Variants in COMMD1 observed in about 807,000 individuals in gnomAD.
COMMD1 encodes the protein COMM domain-containing protein 1.
A neutral mutation model predicts 17.2 loss-of-function variants in COMMD1; 10 were observed. That is an observed-to-expected ratio of 0.58 (90% CI 0.36 to 0.99). COMMD1 has a LOEUF of 0.99. Among genes scored for constraint, COMMD1 ranks in the 50% least tolerant of loss-of-function variants. COMMD1 has a pLI of 0.01. For missense variants in COMMD1, 270 were observed against 231.8 expected (o/e 1.17, Z -1.07); for synonymous variants, 97 against 91.6 (o/e 1.06, Z -0.34).
intron 2 of COMMD1, among the ~76,000 whole-genome samples, chr2:62,128,573 C>T (rs1672945900): frequency 6.6e-6 from 1 of 152,084 alleles, no homozygotes; most frequent in Admixed American, 6.6e-5. Context: ...GTTGTTCTTC[C>T]TCCTCCTTCT....
chr2:61,963,504 C>T lies in COMMD1; in HGVS notation c.181-37197C>T, dbSNP rs567488033. Among the ~76,000 whole-genome samples the T allele has an allele frequency of 7.9e-5, 12 of 152,150 alleles. No homozygotes were observed. The East Asian group carries it at 1.5e-3, about 20-fold the overall frequency. On this transcript the variant is annotated intron_variant, in intron 1 of 2. Transcript: ENST00000311832. The stretch of plus-strand genomic sequence containing the variant: ...CCTGAGTGGTGCACACCACCATGCT[C>T]GGCTAATTTTTGTATTTTTAGTAGA...
intron 2 of COMMD1, among the ~76,000 whole-genome samples, chr2:62,018,173 C>G (rs1456102260): frequency 6.6e-6 from 1 of 152,068 alleles, no homozygotes; most frequent in Non-Finnish European, 1.5e-5. Flanking sequence ...TCTTATTTTC[C>G]CTGCTTAGGT....
At chr2:62,038,031 G>A (rs1481228486) in intron 2 of COMMD1, among the ~76,000 whole-genome samples, 1 of 152,178 alleles carries the variant, frequency 6.6e-6, no homozygotes, top group Admixed American at 6.5e-5. Flanking sequence ...GCTCACTCCT[G>A]TAATCCCAGC....
intron 2 of COMMD1, among the ~76,000 whole-genome samples, chr2:62,104,589 G>A (rs1225269725): frequency 6.9e-6 from 1 of 144,520 alleles, no homozygotes; most frequent in African/African-American, 2.6e-5. Context: ...AGTCGAGATC[G>A]CGCCACTGTA....
chr2:61,990,760 G>A (rs551960187), intron 1 of COMMD1, among the ~76,000 whole-genome samples: 4 of 151,466 alleles, frequency 2.6e-5, no homozygotes, highest in Non-Finnish European at 2.9e-5. Context: ...GGAAAGACCC[G>A]CCCCCATGAA....
intron 1 of COMMD1, among the ~76,000 whole-genome samples, chr2:61,906,982 A>AT (rs1669790007): frequency 6.6e-6 from 1 of 152,248 alleles, no homozygotes; most frequent in Non-Finnish European, 1.5e-5. Context: ...GAAAACAAAT[A>AT]TTTCACACAG....
intron 1 of COMMD1, among the ~76,000 whole-genome samples, chr2:61,987,968 A>G (rs994222138): frequency 3.3e-5 from 5 of 152,162 alleles, no homozygotes; most frequent in Non-Finnish European, 7.4e-5. Flanking sequence ...AAAGGCCCAT[A>G]GGAAGTATTG....
chr2:62,041,948 ACTGT>A (rs1670220898), intron 2 of COMMD1, among the ~76,000 whole-genome samples: 1 of 152,220 alleles, frequency 6.6e-6, no homozygotes. Flanking sequence ...AAGCTTCCAC[ACTGT>A]GGAAGAGGAC....
At chr2:61,925,702 T>C (rs1468283024) in intron 1 of COMMD1, among the ~76,000 whole-genome samples, 2 of 152,192 alleles carry the variant, frequency 1.3e-5, no homozygotes, top group African/African-American at 2.4e-5. Flanking sequence ...TCCTTAACAG[T>C]AGGACTTGCC....
rs201726884 is a variant in COMMD1 at position 61,970,558 on chromosome 2, TA to T, written c.181-30135del. 8.0e-3 allele frequency among the ~76,000 whole-genome samples: 1,218 copies of T among 152,108 alleles called. 13 individuals carry two copies. The highest frequency in any genetic ancestry group is 0.028 in the African/African-American group (1,146 of 41,510). On this transcript the variant is annotated intron_variant, in intron 1 of 2. Coordinates refer to ENST00000311832, the MANE Select transcript of COMMD1 (RefSeq NM_152516.4). ...TACTGTATTGTTTAGGGAATAATGA[TA>T]AAAAAAAGTTTGGTACATGTTTATT...
chr2:61,915,203 G>A (rs759501202), intron 1 of COMMD1, among the ~76,000 whole-genome samples: 1 of 151,600 alleles, frequency 6.6e-6, no homozygotes, highest in Admixed American at 6.6e-5. Flanking sequence ...ATGGGGTTTC[G>A]TCATGTTGGT....
At chr2:61,988,179 C>G (rs1672154830) in intron 1 of COMMD1, among the ~76,000 whole-genome samples, 1 of 152,104 alleles carries the variant, frequency 6.6e-6, no homozygotes, top group Non-Finnish European at 1.5e-5. Context: ...GGTACCTAAG[C>G]TGGAAGATAA....
chr2:61,982,902 T>C (rs1462073812), intron 1 of COMMD1, among the ~76,000 whole-genome samples: 1 of 152,202 alleles, frequency 6.6e-6, no homozygotes, highest in Non-Finnish European at 1.5e-5. Flanking sequence ...TCTTAACATA[T>C]TATTGAATTC....
At chr2:61,968,369 CA>C (rs1180651224) in intron 1 of COMMD1, among the ~76,000 whole-genome samples, 1 of 152,080 alleles carries the variant, frequency 6.6e-6, no homozygotes, top group African/African-American at 2.4e-5. Flanking sequence ...GCTCATATAG[CA>C]AATTCTCTTT....
chr2:62,012,476 G>A (rs909222017), intron 2 of COMMD1, among the ~76,000 whole-genome samples: 7 of 151,810 alleles, frequency 4.6e-5, no homozygotes, highest in South Asian at 2.1e-4. Flanking sequence ...GCACCACCAC[G>A]CCCAGCTAAT....
chr2:62,101,220 G>A (rs1300941340), intron 2 of COMMD1, among the ~76,000 whole-genome samples: 1 of 152,022 alleles, frequency 6.6e-6, no homozygotes, highest in Non-Finnish European at 1.5e-5. Context: ...CTGATTCTCT[G>A]AATACCAACT....
intron 2 of COMMD1, among the ~76,000 whole-genome samples, chr2:62,009,286 A>G (rs1669212541): frequency 6.6e-6 from 1 of 152,166 alleles, no homozygotes; most frequent in African/African-American, 2.4e-5. Flanking sequence ...TATAGAAGGC[A>G]ATGCTTAAAG....
At chr2:62,080,943 G>A (rs950884011) in intron 2 of COMMD1, among the ~76,000 whole-genome samples, 13 of 151,464 alleles carry the variant, frequency 8.6e-5, no homozygotes, top group African/African-American at 3.2e-4. Flanking sequence ...CATATTCTGG[G>A]GAAGGTTCTG....
intron 1 of COMMD1, among the ~76,000 whole-genome samples, chr2:61,946,942 A>G (rs146954463): frequency 6.6e-6 from 1 of 152,256 alleles, no homozygotes; most frequent in African/African-American, 2.4e-5. Context: ...TGCTTCTAGT[A>G]GTTTTGTTTA....
Sources: gnomAD v4.1 joint callset for allele counts (sites outside exome capture counted in the v4.1 genomes callset) on GRCh38, gnomAD v4.1.1 for gene constraint, MANE v1.5 for transcripts, NCBI Gene and HGNC (gene_info 2026-07-23, HGNC 2026-07-21) for gene names.